Variants in MIOX observed in about 807,000 individuals in gnomAD.
MIOX encodes the protein myo-inositol oxygenase.
A neutral mutation model predicts 42.7 loss-of-function variants in MIOX; 51 were observed. The ratio of observed to expected loss-of-function variants is 1.19; its 90% CI spans 0.95 to 1.51. The LOEUF (loss-of-function observed/expected upper bound fraction) is 1.51. Among genes scored for constraint, MIOX ranks in the 40% most tolerant of loss-of-function variants. MIOX has a pLI of 0.00. For missense variants in MIOX, 395 were observed against 381.3 expected, an observed-to-expected ratio of 1.04 and a Z score of -0.30; for synonymous variants, 168 against 154.4, an observed-to-expected ratio of 1.09 and a Z score of -0.65.
At chr22:50,488,963 CTT>C in intron 5 of MIOX, 75 bp from the exon 6 acceptor site, 2 of 1,004,784 alleles carry the variant, frequency 2.0e-6, no homozygotes, top group South Asian at 1.5e-5. Flanking sequence ...CCCTCCTGTC[CTT>C]CTGCAGTGGG....
rs145065111 is a variant in MIOX at position 50,488,336 on chromosome 22, G to T, written c.402G>T (p.Glu134Asp). The T allele has an allele frequency of 2.0e-4, 313 of 1,601,140 alleles. 1 individual carries two copies. In the African/African-American group the frequency reaches 3.8e-3, roughly 19 times the overall value. ...DLGKVLALFG[E>D]PQWAVVGDTF... Reference sequence around the variant, plus strand: ...GGAAGGTCCTGGCCCTGTTCGGGGAGCCCCAGGTAAGAGTTGGAAGTGGAG... The same window carrying T: ...GGAAGGTCCTGGCCCTGTTCGGGGATCCCCAGGTAAGAGTTGGAAGTGGAG... The change falls in exon 5 of 10, where the codon GAG becomes GAT. Residue 134 changes from glutamate to aspartate, a missense_variant. Physicochemically the swap from Glu to Asp is conservative, Grantham distance 45 (BLOSUM62 2). Coordinates refer to ENST00000216075, the MANE Select transcript of MIOX (RefSeq NM_017584.6).
chr22:50,489,374 C>T, intron 7 of MIOX, 23 bp from the exon 8 acceptor site: 5 of 1,553,460 alleles, frequency 3.2e-6, no homozygotes, highest in Non-Finnish European at 4.3e-6. Flanking sequence ...GCAGTGCCTG[C>T]TGGTGACACC....
chr22:50,487,616 C>G, intron 2 of MIOX, 46 bp from the exon 3 acceptor site: 1 of 1,588,410 alleles, frequency 6.3e-7, no homozygotes, highest in Non-Finnish European at 8.6e-7. Flanking sequence ...GGCATGGGGC[C>G]TCGTGTGCAG....
At chr22:50,487,507 A>T (rs1464646863) in intron 2 of MIOX, 42 bp downstream of exon 2, 3 of 1,581,482 alleles carry the variant, frequency 1.9e-6, no homozygotes, top group Non-Finnish European at 2.6e-6. Context: ...CCCCATCCAC[A>T]CCCTGGGGAG....
rs767381595 is a variant in MIOX, at chr22:50,489,224, GC to G, written c.519-3del. 37 of 1,609,722 alleles carry G rather than the reference GC, an allele frequency of 2.3e-5. No individual in the cohort carries two copies. In the South Asian group the frequency reaches 4.1e-4, roughly 18 times the overall value. On this transcript the variant is annotated splice_polypyrimidine_tract_variant and splice_region_variant and intron_variant, in intron 6 of 9. Transcript: ENST00000216075. Reference sequence around the variant, plus strand: ...GCCCTCCTCACCCTGGTATCTCACTGCAGCACAGAGCTCGGGATGTATCAGC... The same window carrying G: ...GCCCTCCTCACCCTGGTATCTCACTGAGCACAGAGCTCGGGATGTATCAGC...
Position 50,488,310 on chromosome 22 carries a change from G to C in MIOX, c.376G>C (p.Gly126Arg), listed in dbSNP as rs2068300592. ...CCTCGTCGGGCTCCTGCACGACCTG[G>C]GGAAGGTCCTGGCCCTGTTCGGGGA... ...FHLVGLLHDL[G>R]KVLALFGEPQ... Residue 126 changes from glycine (G) to arginine (R), a missense_variant, in exon 5 of 10, where the codon GGG becomes CGG. Transcript: ENST00000216075. 6.2e-7 allele frequency: 1 copy of C among 1,612,864 alleles called. No homozygotes were observed. Among genetic ancestry groups the C allele is most frequent in the African/African-American group, 1.3e-5 (1 of 75,044 alleles).
intron 3 of MIOX, 29 bp downstream of exon 3, chr22:50,487,771 C>T (rs559215926): frequency 1.2e-4 from 187 of 1,612,488 alleles, no homozygotes; most frequent in Admixed American, 6.2e-4. Flanking sequence ...CCCGTGCAAA[C>T]GCGGAGGGAC....
In MIOX at chr22:50,489,264, C is replaced by G; in HGVS notation, c.555C>G (p.Leu185=). The G allele has an allele frequency of 1.2e-6, 2 of 1,601,394 alleles. No homozygotes were observed. Among genetic ancestry groups the G allele is most frequent in the East Asian group, 2.2e-5 (1 of 44,684 alleles). The change falls in exon 7 of 10, where the codon CTC becomes CTG. Residue 185 remains leucine (L), a synonymous_variant. Transcript: ENST00000216075. ...GGATGTATCAGCCCCACTGTGGGCT[C>G]GACAGGGTCCTCATGTCCTGGGGCC... ...ELGMYQPHCG[L]DRVLMSWGHD... is the part of the protein sequence containing the mutation.
chr22:50,487,500 C>A, intron 2 of MIOX, 35 bp downstream of exon 2: 1 of 1,595,784 alleles, frequency 6.3e-7, no homozygotes, highest in Non-Finnish European at 8.6e-7. Context: ...CCTTCTCCCC[C>A]ATCCACACCC....
intron 5 of MIOX, 94 bp downstream of exon 5, chr22:50,488,436 G>C: frequency 9.2e-7 from 1 of 1,085,514 alleles, no homozygotes; most frequent in East Asian, 2.5e-5. Flanking sequence ...CTACCTGGGG[G>C]ACAGGCCAGT....
At chr22:50,489,014 C>T in intron 5 of MIOX, 26 bp from the exon 6 acceptor site, 2 of 1,490,488 alleles carry the variant, frequency 1.3e-6, no homozygotes, top group South Asian at 2.4e-5. Context: ...CCCCCATGGC[C>T]TCCCGTCCCT....
rs779718519 is a variant in MIOX at position 50,489,553 on chromosome 22, C to T, written c.658C>T (p.His220Tyr). Residue 220 changes from histidine (H) to tyrosine (Y), a missense_variant, in exon 9 of 10, where the codon CAC becomes TAC. Coordinates refer to ENST00000216075, the MANE Select transcript of MIOX (RefSeq NM_017584.6). ...GCAGGCTTTCTACATGATCCGGTTC[C>T]ACTCCTTCTACCCCTGGCACACGGG... ...PPEAFYMIRF[H>Y]SFYPWHTGRD... 3.7e-6 allele frequency: 6 copies of T among 1,612,744 alleles called. No homozygotes were observed. The highest frequency in any genetic ancestry group is 1.1e-5 in the South Asian group (1 of 91,078).
Position 50,489,983 on chromosome 22 carries a change from G to T in MIOX, c.*127G>T. 1.2e-6 allele frequency: 1 copy of T among 804,290 alleles called. No individual in the cohort carries two copies. Among genetic ancestry groups the T allele is most frequent in the South Asian group, 1.5e-5 (1 of 65,174 alleles). The allele number at this position is 804,290 out of a possible 1,614,324, so 49.8% of individuals were successfully genotyped here. On this transcript the variant is annotated 3_prime_UTR_variant, in exon 10 of 10. Transcript: ENST00000216075. ...TGGGGGACCCCACTCACCCCCTTAGGGTCGCCACCCCTCACGGCAACTTGT... is the reference window on the plus strand; with the variant it reads ...TGGGGGACCCCACTCACCCCCTTAGTGTCGCCACCCCTCACGGCAACTTGT...
At chr22:50,488,796 TGTCCCTCCC>T (rs1306281324) in intron 5 of MIOX, among the ~76,000 whole-genome samples, 3 of 39,038 alleles carry the variant, frequency 7.7e-5, no homozygotes, top group African/African-American at 1.2e-4. Context: ...CCGTCCCTCC[TGTCCCTCCC>T]GTCCCTCCCA....
chr22:50,488,023 C>T lies in MIOX; in HGVS notation c.315C>T (p.Gly105=). ...TCCATGCCTTCCAGACAGCGGAGGG[C>T]ATCCGGAAGGCCCACCCAGACAAGG... ...NSFHAFQTAE[G]IRKAHPDKDW... The change falls in exon 4 of 10, where the codon GGC becomes GGT. Residue 105 remains glycine, a synonymous_variant. Transcript: ENST00000216075. 1 of 1,613,806 alleles carries T rather than the reference C, an allele frequency of 6.2e-7. No individual in the cohort carries two copies. Among genetic ancestry groups the T allele is most frequent in the South Asian group, 1.1e-5 (1 of 91,088 alleles).
Position 50,487,477 on chromosome 22 carries a change from G to A in MIOX, c.96+12G>A. 6.2e-7 allele frequency: 1 copy of A among 1,609,056 alleles called. No individual in the cohort carries two copies. The highest frequency in any genetic ancestry group is 8.5e-7 in the Non-Finnish European group (1 of 1,176,758). ...TCCGGAACTACACGGTGAGTACCTT[G>A]CCGTCCTGCCCCCCTTCTCCCCCAT... On this transcript the variant is annotated intron_variant, in intron 2 of 9. Transcript: ENST00000216075.
chr22:50,488,779 ATCCCTCCCGTCCCTCCTG>A (rs1181926798), intron 5 of MIOX, among the ~76,000 whole-genome samples: 5 of 17,088 alleles, frequency 2.9e-4, no homozygotes, highest in East Asian at 3.2e-3. Context: ...TGTCCCTCCC[ATCCCTCCCGTCCCTCCTG>A]TCCCTCCCGT....
In MIOX at chr22:50,489,082, C is replaced by G. The variant is rs1263760455; in HGVS notation, c.451C>G (p.Gln151Glu). The stretch of plus-strand genomic sequence containing the variant: ...CACCTTCCCCGTCGGATGCCGTCCG[C>G]AGGCCTCCGTGGTTTTCTGCGACTC... ...GDTFPVGCRP[Q>E]ASVVFCDSTF... Residue 151 changes from glutamine to glutamate, a missense_variant, in exon 6 of 10, where the codon CAG becomes GAG. Coordinates refer to ENST00000216075, the MANE Select transcript of MIOX (RefSeq NM_017584.6). 6.2e-7 allele frequency: 1 copy of G among 1,612,496 alleles called. No individual in the cohort carries two copies. Among genetic ancestry groups the G allele is most frequent in the Admixed American group, 1.7e-5 (1 of 59,978 alleles).
Position 50,490,152 on chromosome 22 carries a change from C to T in MIOX, c.*296C>T, listed in dbSNP as rs1234726677. The T allele has an allele frequency of 4.4e-6, 2 of 450,212 alleles. No individual in the cohort carries two copies. Among genetic ancestry groups the T allele is most frequent in the Middle Eastern group, 6.2e-4 (1 of 1,620 alleles). The allele number at this position is 450,212 out of a possible 1,614,324, so 27.9% of individuals were successfully genotyped here. On this transcript the variant is annotated 3_prime_UTR_variant, in exon 10 of 10. Coordinates refer to ENST00000216075, the MANE Select transcript of MIOX (RefSeq NM_017584.6). ...AGGCTTTCAGGTGTGTGTGTCCCAC[C>T]ACACTGGCCGTGGTAAACATCTGCC...
Sources: gnomAD v4.1 joint callset for allele counts (sites outside exome capture counted in the v4.1 genomes callset) on GRCh38, gnomAD v4.1.1 for gene constraint, MANE v1.5 for transcripts, NCBI Gene and HGNC (gene_info 2026-07-23, HGNC 2026-07-21) for gene names.